Variants in HPSE2 observed in about 807,000 individuals in gnomAD.
HPSE2 encodes inactive heparanase-2.
A neutral mutation model predicts 60.5 loss-of-function variants in HPSE2; 38 were observed. The ratio of observed to expected loss-of-function variants is 0.63; its 90% CI spans 0.48 to 0.82. The LOEUF (loss-of-function observed/expected upper bound fraction) is 0.82, where lower values mean the gene tolerates loss of function less well. Among genes scored for constraint, HPSE2 ranks in the 40% least tolerant of loss-of-function variants. The probability of loss-of-function intolerance (pLI) is 0.00; values close to 1 mark genes in which losing one functional copy is unlikely to be tolerated. For missense variants in HPSE2, 713 were observed against 740.4 expected, an observed-to-expected ratio of 0.96 and a Z score of 0.43; for synonymous variants, 295 against 293.2, an observed-to-expected ratio of 1.01 and a Z score of -0.06.
intron 4 of HPSE2, among the ~76,000 whole-genome samples, chr10:98,739,016 T>G (rs941503528): frequency 2.0e-5 from 3 of 152,184 alleles, no homozygotes; most frequent in African/African-American, 4.8e-5. Context: ...TAAAGACACA[T>G]GCACACGTAT....
chr10:99,249,879 C>A, the HPSE2 span, among the ~76,000 whole-genome samples: 2 of 152,040 alleles, frequency 1.3e-5, no homozygotes, highest in African/African-American at 2.4e-5. Flanking sequence ...TGTGGTGACT[C>A]ATGCCTGTAA....
At chr10:99,174,374 C>T (rs1001530187) in intron 2 of HPSE2, among the ~76,000 whole-genome samples, 26 of 152,170 alleles carry the variant, frequency 1.7e-4, no homozygotes, top group African/African-American at 6.3e-4. Context: ...AAAACTAACA[C>T]AGGGTCTACT....
In HPSE2 at chr10:98,933,922, C is replaced by T. The variant is rs775332225; in HGVS notation, c.611-189866G>A. ...AATGTTTTTGTATTTTTAGTAGAGACGGAGTTTCACTGTGTTAGCCAGGAT... is the reference window on the plus strand; with the variant it reads ...AATGTTTTTGTATTTTTAGTAGAGATGGAGTTTCACTGTGTTAGCCAGGAT... On this transcript the variant is annotated intron_variant, in intron 3 of 11. Transcript: ENST00000370552. Among the ~76,000 whole-genome samples, 49 of 141,944 alleles carry T rather than the reference C, an allele frequency of 3.5e-4. 6 individuals are homozygous for T. Among genetic ancestry groups the T allele is most frequent in the Non-Finnish European group, 5.1e-4 (34 of 66,820 alleles). 93.1% of individuals were successfully genotyped at this position (141,944 alleles called of 152,430 possible).
At position 98,531,271 on chromosome 10, in the gene HPSE2, C is replaced by T. The variant is rs550220632; in HGVS notation, c.1321-41075G>A. ...CTTCAATAAGAGGGTGGCATTTTAA[C>T]TTGTTCCAGGAGGAGAATGGGAAGA... is the stretch of plus-strand genomic sequence containing the variant. On this transcript the variant is annotated intron_variant, in intron 9 of 11. Coordinates refer to ENST00000370552, the MANE Select transcript of HPSE2 (RefSeq NM_021828.5). Among the ~76,000 whole-genome samples the T allele has an allele frequency of 6.3e-3, 254 of 40,584 alleles. 1 individual carries two copies. The highest frequency in any genetic ancestry group is 0.01 in the African/African-American group (247 of 23,920). 26.6% of individuals were successfully genotyped at this position (40,584 alleles called of 152,430 possible).
chr10:98,645,506 T>C (rs545641682), intron 6 of HPSE2, among the ~76,000 whole-genome samples: 4 of 152,374 alleles, frequency 2.6e-5, no homozygotes, highest in Admixed American at 6.5e-5. Context: ...ACAGCATCTT[T>C]TTAATAACTT....
At chr10:99,153,297 C>T (rs1846365252) in intron 2 of HPSE2, among the ~76,000 whole-genome samples, 1 of 152,176 alleles carries the variant, frequency 6.6e-6, no homozygotes, top group African/African-American at 2.4e-5. Context: ...CCTCTGGGGG[C>T]AGGGCACAGA....
intron 4 of HPSE2, among the ~76,000 whole-genome samples, chr10:98,722,876 G>C (rs955832285): frequency 6.6e-6 from 1 of 152,126 alleles, no homozygotes; most frequent in Admixed American, 6.5e-5. Flanking sequence ...CTGAGACGAT[G>C]GGGTTTTCTA....
intron 4 of HPSE2, among the ~76,000 whole-genome samples, chr10:98,743,500 AATT>A (rs1183845323): frequency 1.3e-5 from 2 of 152,202 alleles, no homozygotes; most frequent in African/African-American, 4.8e-5. Context: ...AGCTCTTTTC[AATT>A]ATTATTTTAG....
intron 3 of HPSE2, among the ~76,000 whole-genome samples, chr10:98,923,526 T>C (rs1235304809): frequency 6.6e-6 from 1 of 152,178 alleles, no homozygotes; most frequent in Non-Finnish European, 1.5e-5. Context: ...CCAATAACTC[T>C]TAGATTTGTC....
intron 6 of HPSE2, 81 bp from the exon 7 acceptor site, chr10:98,642,021 T>A: frequency 5.6e-6 from 7 of 1,244,584 alleles, no homozygotes; most frequent in Non-Finnish European, 8.2e-6. Context: ...AAGGTCTCTG[T>A]TGCCCGAGGA....
chr10:98,596,087 GT>G (rs1173857142), intron 9 of HPSE2, among the ~76,000 whole-genome samples: 4 of 152,140 alleles, frequency 2.6e-5, no homozygotes, highest in Non-Finnish European at 5.9e-5. Context: ...TTAACGTGCT[GT>G]TGAATTTGGT....
chr10:99,292,379 T>TA, the HPSE2 span, among the ~76,000 whole-genome samples: 1 of 152,168 alleles, frequency 6.6e-6, no homozygotes, highest in Admixed American at 6.5e-5. Context: ...CTCAAAACAT[T>TA]AAAATGCACT....
chr10:98,801,884 A>G (rs1445590943), intron 3 of HPSE2, among the ~76,000 whole-genome samples: 1 of 152,164 alleles, frequency 6.6e-6, no homozygotes, highest in Non-Finnish European at 1.5e-5. Flanking sequence ...GAATAGCCGA[A>G]CCTACCCTGG....
chr10:99,089,848 T>C (rs760438389), intron 3 of HPSE2, among the ~76,000 whole-genome samples: 47 of 152,180 alleles, frequency 3.1e-4, no homozygotes, highest in Non-Finnish European at 6.3e-4. Flanking sequence ...CTCTGATTTC[T>C]TTCAGCAGTC....
At chr10:99,072,927 C>CAAAAAAAAAAAAA (rs770699941) in intron 3 of HPSE2, among the ~76,000 whole-genome samples, 3 of 88,060 alleles carry the variant, frequency 3.4e-5, no homozygotes, top group Non-Finnish European at 6.1e-5. Context: ...GGCTCCGTCT[C>CAAAAAAAAAAAAA]AAAAAAAAAA....
the HPSE2 span, among the ~76,000 whole-genome samples, chr10:99,288,332 G>A: frequency 0.86 from 130,060 of 152,108 alleles, 55,957 homozygotes; most frequent in African/African-American, 0.92. Flanking sequence ...TTCCATGTGT[G>A]ATTTTATGTT....
chr10:98,881,898 T>TGGAA (rs1196499443), intron 3 of HPSE2, among the ~76,000 whole-genome samples: 2 of 152,110 alleles, frequency 1.3e-5, no homozygotes, highest in East Asian at 3.9e-4. Context: ...CTGCATCCAT[T>TGGAA]GGAAGTGTAT....
chr10:99,015,341 T>C (rs902913448), intron 3 of HPSE2, among the ~76,000 whole-genome samples: 2 of 152,198 alleles, frequency 1.3e-5, no homozygotes, highest in Non-Finnish European at 2.9e-5. Flanking sequence ...GGATTATAAA[T>C]CATGCTGCTA....
At chr10:99,179,005 C>T (rs530428714) in intron 2 of HPSE2, among the ~76,000 whole-genome samples, 3 of 152,208 alleles carry the variant, frequency 2.0e-5, no homozygotes, top group Admixed American at 1.3e-4. Flanking sequence ...ATAAACAGAA[C>T]CAAAGACAAA....
Sources: allele counts gnomAD v4.1 joint callset (sites outside exome capture counted in the v4.1 genomes callset), GRCh38; gene constraint gnomAD v4.1.1; transcripts MANE v1.5; gene names NCBI Gene and HGNC (gene_info 2026-07-23, HGNC 2026-07-21).